SLIT1: variants seen among roughly 807,000 people sequenced by gnomAD.
The protein encoded by SLIT1 is slit homolog 1 protein.
SLIT1 carries 66 observed loss-of-function variants against 186.1 expected under a neutral mutation model. The observed-to-expected ratio is 0.35, with a 90% CI of 0.29 to 0.44. The LOEUF (loss-of-function observed/expected upper bound fraction) is 0.44, where lower values mean the gene tolerates loss of function less well. Among genes scored for constraint, SLIT1 ranks in the 20% least tolerant of loss-of-function variants. SLIT1 has a pLI of 1.00. For synonymous variants in SLIT1, 761 were observed against 833.8 expected (o/e 0.91, Z 1.50); for missense variants, 1,638 against 2,037.4 (o/e 0.80, Z 3.77).
intron 18 of SLIT1, among the ~76,000 whole-genome samples, chr10:97,045,914 C>T (rs1204663928): frequency 6.6e-6 from 1 of 152,202 alleles, no homozygotes; most frequent in African/African-American, 2.4e-5. Flanking sequence ...CCACATGTAG[C>T]TATTTAGATT....
intron 1 of SLIT1, among the ~76,000 whole-genome samples, chr10:97,179,806 C>CAA (rs574891067): frequency 6.7e-6 from 1 of 148,426 alleles, no homozygotes; most frequent in Non-Finnish European, 1.5e-5. Context: ...ACCCTCCCCG[C>CAA]CCCCCGGCAC....
chr10:97,018,066 C>G (rs1848469392), intron 28 of SLIT1, among the ~76,000 whole-genome samples: 1 of 152,126 alleles, frequency 6.6e-6, no homozygotes, highest in African/African-American at 2.4e-5. Context: ...CCAGGCTGGT[C>G]TCAAACTCCT....
At position 97,037,785 on chromosome 10, in the gene SLIT1, G is replaced by T. The variant is rs772151734; in HGVS notation, c.2298-19C>A. 1.3e-6 allele frequency: 2 copies of T among 1,592,258 alleles called. No individual in the cohort carries two copies. Reference sequence around the variant, plus strand: ...CAAATAGCTGCAGAGAGAACACAGCGGCGTTAGTGCCCATCTCCACCTCTG... The same window carrying T: ...CAAATAGCTGCAGAGAGAACACAGCTGCGTTAGTGCCCATCTCCACCTCTG... On this transcript the variant is annotated intron_variant, in intron 21 of 36. Transcript: ENST00000266058.
At chr10:97,036,030 C>G (rs1226907571) in intron 22 of SLIT1, among the ~76,000 whole-genome samples, 1 of 152,220 alleles carries the variant, frequency 6.6e-6, no homozygotes, top group African/African-American at 2.4e-5. Context: ...CTCCCCTCCC[C>G]TGCATCCTCC....
intron 13 of SLIT1, among the ~76,000 whole-genome samples, chr10:97,052,506 G>C (rs1589375851): frequency 6.6e-6 from 1 of 152,208 alleles, no homozygotes; most frequent in East Asian, 1.9e-4. Flanking sequence ...CAAGGGATTT[G>C]GAAGGGAAGG....
intron 10 of SLIT1, 21 bp from the exon 11 acceptor site, chr10:97,059,552 G>A: frequency 1.2e-6 from 2 of 1,608,072 alleles, no homozygotes; most frequent in East Asian, 2.2e-5. Flanking sequence ...AGCAGAAGGA[G>A]AGGGGGCATC....
intron 4 of SLIT1, among the ~76,000 whole-genome samples, chr10:97,139,846 G>A (rs1006985929): frequency 1.2e-4 from 18 of 152,184 alleles, no homozygotes; most frequent in Admixed American, 9.8e-4. Context: ...TGAACAGCTG[G>A]GGACTCCCGA....
intron 4 of SLIT1, among the ~76,000 whole-genome samples, chr10:97,086,493 G>A (rs1156239146): frequency 1.3e-5 from 2 of 152,026 alleles, no homozygotes; most frequent in Non-Finnish European, 2.9e-5. Context: ...CAAGAGAATC[G>A]CTTGAATCCA....
At chr10:97,057,382 AT>A in intron 11 of SLIT1, 101 bp from the exon 12 acceptor site, 1 of 813,884 alleles carries the variant, frequency 1.2e-6, no homozygotes, top group Non-Finnish European at 2.1e-6. Context: ...CCCCTAAGCC[AT>A]TTACATGGAG....
intron 21 of SLIT1, among the ~76,000 whole-genome samples, chr10:97,038,630 A>G (rs957411514): frequency 1.3e-5 from 2 of 152,126 alleles, no homozygotes; most frequent in Non-Finnish European, 2.9e-5. Flanking sequence ...CAGTGGCCCA[A>G]TGCCAGGAGC....
chr10:97,008,826 G>A (rs1373047896), intron 31 of SLIT1, among the ~76,000 whole-genome samples: 1 of 151,580 alleles, frequency 6.6e-6, no homozygotes, highest in East Asian at 1.9e-4. Context: ...AAATTCAAGG[G>A]GCCCAGAACA....
intron 4 of SLIT1, among the ~76,000 whole-genome samples, chr10:97,149,912 G>A (rs972180812): frequency 2.0e-5 from 3 of 152,170 alleles, no homozygotes; most frequent in African/African-American, 4.8e-5. Context: ...GCTGTATGGC[G>A]CACATTAGCG....
chr10:97,091,976 G>GC (rs1243926973), intron 4 of SLIT1, among the ~76,000 whole-genome samples: 1 of 152,242 alleles, frequency 6.6e-6, no homozygotes, highest in African/African-American at 2.4e-5. Flanking sequence ...GGCAACCTTG[G>GC]CAGAAAGGAA....
rs1848300211 is a variant in SLIT1, at chr10:97,000,848, A to AAAT, written c.*261_*263dup. On this transcript the variant is annotated 3_prime_UTR_variant, in exon 37 of 37. Coordinates refer to ENST00000266058, the MANE Select transcript of SLIT1 (RefSeq NM_003061.3). ...GACCTCACGCACACATTCACTCAAC[A>AAAT]AATATTTATTAAGCGCCTATTTGTG... is the stretch of plus-strand genomic sequence containing the variant. The AAAT allele has an allele frequency of 3.9e-6, 2 of 512,658 alleles. No individual in the cohort carries two copies. The highest frequency in any genetic ancestry group is 3.3e-5 in the Admixed American group (1 of 30,554). The allele number at this position is 512,658 out of a possible 1,614,324, so 31.8% of individuals were successfully genotyped here. A position where few individuals can be genotyped will look rare whatever the true frequency, so the allele number is the denominator to read the frequency against.
At position 97,047,803 on chromosome 10, in the gene SLIT1, G is replaced by C; in HGVS notation, c.1521C>G (p.Cys507Trp). ...TGTGGGGACAGACCACGTCGCTGTT[G>C]CACTCGCTGTTCAGCTGGTAATCCT... Reference protein sequence around the residue: ...GTEDYQLNSECNSDVVCPHKC... With the variant: ...GTEDYQLNSEWNSDVVCPHKC... The change falls in exon 16 of 37, where the codon TGC becomes TGG. Residue 507 changes from cysteine to tryptophan, a missense_variant. By Grantham distance (215) the Cys-to-Trp change is radical. Coordinates refer to ENST00000266058, the MANE Select transcript of SLIT1 (RefSeq NM_003061.3). 1 of 1,614,090 alleles carries C rather than the reference G, an allele frequency of 6.2e-7. No individual in the cohort carries two copies. The highest frequency in any genetic ancestry group is 8.5e-7 in the Non-Finnish European group (1 of 1,179,986).
intron 13 of SLIT1, among the ~76,000 whole-genome samples, 158 bp downstream of exon 13, chr10:97,056,163 A>C (rs538764435): frequency 6.6e-6 from 1 of 152,326 alleles, no homozygotes; most frequent in Non-Finnish European, 1.5e-5. Context: ...CTTTGAACCT[A>C]GGACGGTCTA....
intron 1 of SLIT1, among the ~76,000 whole-genome samples, chr10:97,169,157 C>A (rs2784918): frequency 6.6e-6 from 1 of 152,146 alleles, no homozygotes; most frequent in African/African-American, 2.4e-5. Context: ...CACAGCCTCT[C>A]CCCTGGGGGC....
intron 22 of SLIT1, 114 bp from the exon 23 acceptor site, chr10:97,034,656 C>T: frequency 1.1e-6 from 1 of 928,138 alleles, no homozygotes; most frequent in Non-Finnish European, 1.7e-6. Context: ...GCCAGGTTGG[C>T]CAGGGGTGGA....
intron 1 of SLIT1, among the ~76,000 whole-genome samples, chr10:97,170,458 G>A (rs1196535693): frequency 6.6e-6 from 1 of 152,248 alleles, no homozygotes; most frequent in Non-Finnish European, 1.5e-5. Context: ...CCATGGCTCT[G>A]CCAGGAGGTG....
Sources: gnomAD v4.1 joint callset for allele counts (sites outside exome capture counted in the v4.1 genomes callset) on GRCh38, gnomAD v4.1.1 for gene constraint, MANE v1.5 for transcripts, NCBI Gene and HGNC (gene_info 2026-07-23, HGNC 2026-07-21) for gene names.